Variants in RNF123 observed in about 807,000 individuals in gnomAD.
The protein encoded by RNF123 is ring finger protein 123, also known as E3 ubiquitin-protein ligase RNF123.
A neutral mutation model predicts 168.5 loss-of-function variants in RNF123; 86 were observed. The observed-to-expected ratio is 0.51, with a 90% confidence interval of 0.43 to 0.61. The LOEUF is 0.61. Ranked by LOEUF, RNF123 falls within the 20% of genes least tolerant of loss-of-function variation. The pLI is 0.00. For synonymous variants in RNF123, 666 were observed against 689.1 expected, an observed-to-expected ratio of 0.97 and a Z score of 0.52; for missense variants, 1,419 against 1,729.7, an observed-to-expected ratio of 0.82 and a Z score of 3.19.
chr3:49,717,809 C>T (rs1487332663), intron 35 of RNF123: 6 of 875,284 alleles, frequency 6.9e-6, no homozygotes, highest in Non-Finnish European at 1.0e-5. Flanking sequence ...CGAGAAGGCC[C>T]ATTGTGTTTC....
intron 35 of RNF123, 177 bp from the exon 36 acceptor site, chr3:49,720,329 AAAAAC>A: frequency 2.0e-6 from 1 of 503,022 alleles, no homozygotes; most frequent in Non-Finnish European, 3.2e-6. Flanking sequence ...AAAAAAAAAA[AAAAAC>A]AGGCTGTGTG....
chr3:49,705,389 C>T (rs2054494810), intron 23 of RNF123, 145 bp from the exon 24 acceptor site: 10 of 1,295,030 alleles, frequency 7.7e-6, no homozygotes, highest in Non-Finnish European at 1.1e-5. Context: ...CTGCACTCCA[C>T]CCCTACCCCC....
chr3:49,718,703 T>C (rs761304460), intron 35 of RNF123: 4 of 1,612,880 alleles, frequency 2.5e-6, no homozygotes, highest in East Asian at 4.5e-5. Flanking sequence ...GCGGGTACCT[T>C]GAAGGCCAAG....
At position 49,718,579 on chromosome 3, in the gene RNF123, A is replaced by G. The variant is rs780590724; in HGVS notation, c.3501-1932A>G. ...GACGCTGGTGTTGCAGTAAAGCCTC[A>G]GGGACCGACCCACCAGCGCGTACAG... On this transcript the variant is annotated intron_variant, in intron 35 of 38. Transcript: ENST00000327697. 5.6e-6 allele frequency: 9 copies of G among 1,613,064 alleles called. No individual in the cohort carries two copies. In the East Asian group the frequency reaches 8.9e-5, roughly 16 times the overall value.
At chr3:49,695,955 G>A (rs372521905) in intron 3 of RNF123, among the ~76,000 whole-genome samples, 1 of 152,314 alleles carries the variant, frequency 6.6e-6, no homozygotes, top group South Asian at 2.1e-4. Flanking sequence ...TCGGGTAGGT[G>A]GGTCATGTGC....
At position 49,716,195 on chromosome 3, in the gene RNF123, C is replaced by T. The variant is rs1238896731; in HGVS notation, c.3415+18C>T. The T allele has an allele frequency of 6.2e-7, 1 of 1,612,798 alleles. No homozygotes were observed. The highest frequency in any genetic ancestry group is 1.7e-5 in the Admixed American group (1 of 59,958). On this transcript the variant is annotated intron_variant, in intron 34 of 38. Transcript: ENST00000327697. ...GCTGCCTGGTGAGGACCTAGATGCC[C>T]TGCACCCCAACACACTACAGGCCTC...
intron 26 of RNF123, among the ~76,000 whole-genome samples, chr3:49,710,211 T>A (rs547404024): frequency 6.6e-6 from 1 of 152,330 alleles, no homozygotes; most frequent in South Asian, 2.1e-4. Flanking sequence ...TTGCTAATGA[T>A]TAGTGACATT....
At position 49,701,925 on chromosome 3, in the gene RNF123, G is replaced by T; in HGVS notation, c.1495+15G>T. ...GCGCATCGAAGGTCAGCCCGCCTTG[G>T]GCACGGGGTAGGGTGGGAGGTGTGT... On this transcript the variant is annotated intron_variant, in intron 17 of 38. Transcript: ENST00000327697. 1 of 1,558,732 alleles carries T rather than the reference G, an allele frequency of 6.4e-7. No homozygotes were observed. Among genetic ancestry groups the T allele is most frequent in the Non-Finnish European group, 8.7e-7 (1 of 1,150,854 alleles).
rs551447122 is a variant in RNF123, at chr3:49,702,542, T to C, written c.1630-91T>C. The C allele has an allele frequency of 1.6e-4, 256 of 1,609,934 alleles. 5 individuals are homozygous for C. The South Asian group carries it at 2.7e-3, about 17-fold the overall frequency. On this transcript the variant is annotated intron_variant, in intron 19 of 38. Transcript: ENST00000327697. ...TTCTCTGCTGCTTTTCCCTCCCTGCTTAACCCTCGACCCTCAGGCAGGGCC... is the reference window on the plus strand; with the variant it reads ...TTCTCTGCTGCTTTTCCCTCCCTGCCTAACCCTCGACCCTCAGGCAGGGCC...
chr3:49,704,290 C>T (rs2054468201), intron 21 of RNF123, among the ~76,000 whole-genome samples: 1 of 152,042 alleles, frequency 6.6e-6, no homozygotes, highest in Non-Finnish European at 1.5e-5. Flanking sequence ...ATGGAGTAGT[C>T]AGAGAGTGGG....
At chr3:49,702,594 G>A (rs1231492277) in intron 19 of RNF123, 39 bp from the exon 20 acceptor site, 1 of 1,614,144 alleles carries the variant, frequency 6.2e-7, no homozygotes, top group Non-Finnish European at 8.5e-7. Context: ...CAAGGCACTG[G>A]ACTGGCACCA....
intron 31 of RNF123, 98 bp from the exon 32 acceptor site, chr3:49,715,477 G>A: frequency 6.9e-7 from 1 of 1,458,530 alleles, no homozygotes; most frequent in Non-Finnish European, 9.4e-7. Context: ...CCATCTTTCT[G>A]TCCTTATACC....
chr3:49,715,470 T>C, intron 31 of RNF123, 105 bp from the exon 32 acceptor site: 3 of 1,398,958 alleles, frequency 2.1e-6, no homozygotes, highest in Non-Finnish European at 3.0e-6. Context: ...TAGGGAGCCA[T>C]CTTTCTGTCC....
intron 35 of RNF123, 104 bp downstream of exon 35, chr3:49,716,581 A>G (rs1349485851): frequency 1.0e-6 from 1 of 1,000,714 alleles, no homozygotes; most frequent in African/African-American, 1.6e-5. Flanking sequence ...TGGAAAATGG[A>G]CCTCAGCATC....
Position 49,699,371 on chromosome 3 carries a change from G to C in RNF123, c.765-97G>C, listed in dbSNP as rs1036339096. 3.5e-6 allele frequency: 4 copies of C among 1,137,392 alleles called. No individual in the cohort carries two copies. In the Admixed American group the frequency reaches 8.5e-5, roughly 24 times the overall value. 70.5% of individuals were successfully genotyped at this position (1,137,392 alleles called of 1,614,324 possible). A position where few individuals can be genotyped will look rare whatever the true frequency, so the allele number is the denominator to read the frequency against. On this transcript the variant is annotated intron_variant, in intron 10 of 38. Coordinates refer to ENST00000327697, the MANE Select transcript of RNF123 (RefSeq NM_022064.5). The surrounding 1 kb of genome is among the most constrained non-coding windows in gnomAD (Gnocchi z 4.8). ...GCAAGTTGTGATGCAAACCAGCCCT[G>C]CCCTAGAGCCCAGGCCCCGGGGTGG...
intron 26 of RNF123, 32 bp from the exon 27 acceptor site, chr3:49,712,447 C>A (rs1413365033): frequency 1.2e-6 from 2 of 1,610,162 alleles, no homozygotes; most frequent in Non-Finnish European, 1.7e-6. Context: ...CACTGGTGCG[C>A]AACCCAGCAG....
At position 49,716,841 on chromosome 3, in the gene RNF123, G is replaced by A. The variant is rs1221874083; in HGVS notation, c.3500+364G>A. On this transcript the variant is annotated intron_variant, in intron 35 of 38. Coordinates refer to ENST00000327697, the MANE Select transcript of RNF123 (RefSeq NM_022064.5). Reference sequence around the variant, plus strand: ...CGGAGGACCGCCATTGTCTGCAAAGGCTCTAGCAATAAGCATGTGCTACCT... The same window carrying A: ...CGGAGGACCGCCATTGTCTGCAAAGACTCTAGCAATAAGCATGTGCTACCT... The A allele has an allele frequency of 3.2e-5, 7 of 219,966 alleles. No homozygotes were observed. The South Asian group carries it at 6.2e-4, about 19-fold the overall frequency. 13.6% of individuals were successfully genotyped at this position (219,966 alleles called of 1,614,324 possible).
At chr3:49,694,822 C>A (rs965196823) in intron 3 of RNF123, among the ~76,000 whole-genome samples, 2 of 152,084 alleles carry the variant, frequency 1.3e-5, no homozygotes, top group Admixed American at 1.3e-4. Flanking sequence ...CCATCTGATC[C>A]CTACCTCATG....
At chr3:49,712,905 C>T (rs1318306643) in intron 27 of RNF123, 1 of 704,076 alleles carries the variant, frequency 1.4e-6, no homozygotes, top group Admixed American at 2.0e-5. Flanking sequence ...GGGTGTAGAC[C>T]TCTTGGCTTT....
Sources: gnomAD v4.1 joint callset for allele counts (sites outside exome capture counted in the v4.1 genomes callset) on GRCh38, gnomAD v4.1.1 for gene constraint, Gnocchi (gnomAD v3.1) non-coding constraint, MANE v1.5 for transcripts, NCBI Gene and HGNC (gene_info 2026-07-23, HGNC 2026-07-21) for gene names.